BMX: variants seen among roughly 807,000 people sequenced by gnomAD.
BMX encodes BMX non-receptor tyrosine kinase.
BMX carries 31 observed loss-of-function variants against 59.2 expected under a neutral mutation model. That is an observed-to-expected ratio of 0.52 (90% CI 0.39 to 0.71). The LOEUF is 0.71. BMX is among the 30% of genes least tolerant of loss of function. The probability of loss-of-function intolerance (pLI) is 0.00; values close to 1 mark genes in which losing one functional copy is unlikely to be tolerated. For synonymous variants in BMX, 185 were observed against 181.0 expected, an observed-to-expected ratio of 1.02 and a Z score of -0.18; for missense variants, 474 against 491.7, an observed-to-expected ratio of 0.96 and a Z score of 0.34.
Position 15,516,128 on chromosome X carries a change from C to T in BMX, c.342C>T (p.Pro114=), listed in dbSNP as rs1214141742. Residue 114 remains proline, a synonymous_variant, in exon 5 of 19, where the codon CCC becomes CCT. Coordinates refer to ENST00000348343, the MANE Select transcript of BMX (RefSeq NM_203281.3). ...KALQKEIRGN[P]HLLVKYHSGF... ...GCTCCTCAGAGATAAGGGGTAACCC[C>T]CACCTGCTGGTCAAGTACCATAGTG... The T allele has an allele frequency of 8.3e-7, 1 of 1,210,749 alleles. No homozygotes were observed. The highest frequency in any genetic ancestry group is 1.8e-5 in the South Asian group (1 of 56,848).
Position 15,542,281 on chromosome X carries a change from G to A in BMX, c.1611+83G>A. ...GGAGATGGGGTCACTGGTAGGGAAGGCAAGAAGGGCACCATCACTTCTACT... is the reference window on the plus strand; with the variant it reads ...GGAGATGGGGTCACTGGTAGGGAAGACAAGAAGGGCACCATCACTTCTACT... On this transcript the variant is annotated intron_variant, in intron 15 of 18. Coordinates refer to ENST00000348343, the MANE Select transcript of BMX (RefSeq NM_203281.3). The A allele has an allele frequency of 5.7e-6, 5 of 882,722 alleles. No individual in the cohort carries two copies. In the South Asian group the frequency reaches 8.7e-5, roughly 15 times the overall value. The allele number at this position is 882,722 out of a possible 1,213,427, so 72.7% of individuals were successfully genotyped here.
At chrX:15,501,736 G>C (rs991539155) in intron 1 of BMX, among the ~76,000 whole-genome samples, 4 of 111,742 alleles carry the variant, frequency 3.6e-5, no homozygotes, top group Non-Finnish European at 5.6e-5. Context: ...TCACATCCAA[G>C]TATTTATTTG....
intron 1 of BMX, among the ~76,000 whole-genome samples, chrX:15,503,239 G>A (rs1237767962): frequency 9.0e-6 from 1 of 111,562 alleles, no homozygotes; most frequent in Non-Finnish European, 1.9e-5. Context: ...TCCAACTTTT[G>A]AGGTTGTATG....
intron 6 of BMX, among the ~76,000 whole-genome samples, chrX:15,518,688 G>A (rs774941082): frequency 9.0e-6 from 1 of 111,040 alleles, no homozygotes. Flanking sequence ...AGGGATTTTG[G>A]GGGGGCTGAG....
At chrX:15,512,170 T>C (rs1923985340) in intron 4 of BMX, among the ~76,000 whole-genome samples, 1 of 111,537 alleles carries the variant, frequency 9.0e-6, no homozygotes, top group Non-Finnish European at 1.9e-5. Flanking sequence ...TATTCAGTGA[T>C]GTTTAGGCCG....
chrX:15,509,408 C>A lies in BMX; in HGVS notation c.218C>A (p.Pro73His). 8.3e-7 allele frequency: 1 copy of A among 1,203,895 alleles called. No homozygotes were observed. The highest frequency in any genetic ancestry group is 1.1e-6 in the Non-Finnish European group (1 of 890,071). ...AAAGTAAATCTCGAGGAGCAGACGC[C>A]TGTAGAGAGACAGTACCCATTTCAG... ...VEKVNLEEQTPVERQYPFQIV... is the reference protein window; with the variant it reads ...VEKVNLEEQTHVERQYPFQIV... The change falls in exon 3 of 19, where the codon CCT becomes CAT. Residue 73 changes from proline to histidine, a missense_variant. Physicochemically the swap from Pro to His is moderately conservative, Grantham distance 77. Transcript: ENST00000348343.
chrX:15,518,297 A>G (rs1233485987), intron 6 of BMX, among the ~76,000 whole-genome samples: 1 of 111,122 alleles, frequency 9.0e-6, no homozygotes, highest in Non-Finnish European at 1.9e-5. Context: ...TTAAGATGGC[A>G]TCACACATAA....
At chrX:15,530,894 T>C (rs1194221704) in intron 10 of BMX, among the ~76,000 whole-genome samples, 4 of 112,157 alleles carry the variant, frequency 3.6e-5, no homozygotes, top group Non-Finnish European at 7.5e-5. Flanking sequence ...GTCACATTCA[T>C]AGTTTATAAT....
chrX:15,522,296 C>A, intron 6 of BMX, 50 bp from the exon 7 acceptor site: 1 of 1,183,302 alleles, frequency 8.5e-7, no homozygotes, highest in Non-Finnish European at 1.1e-6. Context: ...GTTCCCGGTA[C>A]CTGAATCTGT....
chrX:15,542,892 G>T (rs746386017), intron 15 of BMX, among the ~76,000 whole-genome samples, 179 bp from the exon 16 acceptor site: 7 of 111,863 alleles, frequency 6.3e-5, no homozygotes, highest in Admixed American at 5.7e-4. Flanking sequence ...GTACTCATGG[G>T]AGAACATTTT....
At position 15,537,313 on chromosome X, in the gene BMX, T is replaced by C. The variant is rs773787915; in HGVS notation, c.1394+8T>C. The C allele has an allele frequency of 3.3e-6, 4 of 1,208,292 alleles. No homozygotes were observed. Among genetic ancestry groups the C allele is most frequent in the South Asian group, 1.8e-5 (1 of 56,587 alleles). On this transcript the variant is annotated splice_region_variant and intron_variant, in intron 14 of 18. Coordinates refer to ENST00000348343, the MANE Select transcript of BMX (RefSeq NM_203281.3). ...GGAGGCCCAGACTATGATGTAAGTT[T>C]TTCCCAAGGAATGGCTGTTTAGCCC... is the stretch of plus-strand genomic sequence containing the variant.
intron 18 of BMX, among the ~76,000 whole-genome samples, chrX:15,550,221 A>G (rs750638808): frequency 9.0e-6 from 1 of 111,674 alleles, no homozygotes; most frequent in Non-Finnish European, 1.9e-5. Context: ...CACTATAAAT[A>G]TTAACTTACT....
In BMX at chrX:15,509,413, G is replaced by A. The variant is rs1419463802; in HGVS notation, c.223G>A (p.Glu75Lys). The change falls in exon 3 of 19, where the codon GAG becomes AAG. Residue 75 changes from glutamate to lysine, a missense_variant. By Grantham distance (56) the Glu-to-Lys change is moderately conservative. Transcript: ENST00000348343. ...AAATCTCGAGGAGCAGACGCCTGTAGAGAGACAGTACCCATTTCAGGTAAA... is the reference window on the plus strand; with the variant it reads ...AAATCTCGAGGAGCAGACGCCTGTAAAGAGACAGTACCCATTTCAGGTAAA... The part of the protein sequence containing the change: ...KVNLEEQTPV[E>K]RQYPFQIVYK... 8.3e-7 allele frequency: 1 copy of A among 1,202,636 alleles called. No homozygotes were observed. The highest frequency in any genetic ancestry group is 2.2e-5 in the Admixed American group (1 of 45,558).
chrX:15,525,197 C>A, intron 7 of BMX, 91 bp from the exon 8 acceptor site: 1 of 882,391 alleles, frequency 1.1e-6, no homozygotes, highest in Non-Finnish European at 1.6e-6. Flanking sequence ...TCAAATAAAG[C>A]TAAAACATAT....
In BMX at chrX:15,549,905, G is replaced by A; in HGVS notation, c.1861G>A (p.Val621Met). ...QPYDLYDNSQ[V>M]VLKVSQGHRL... ...CTATGACTTGTATGACAACTCCCAGGTGGTTCTGAAGGTCTCCCAGGGCCA... is the reference window on the plus strand; with the variant it reads ...CTATGACTTGTATGACAACTCCCAGATGGTTCTGAAGGTCTCCCAGGGCCA... The change falls in exon 18 of 19, where the codon GTG becomes ATG. Residue 621 changes from valine to methionine, a missense_variant. Transcript: ENST00000348343. 1.7e-6 allele frequency: 2 copies of A among 1,208,356 alleles called. No individual in the cohort carries two copies. The highest frequency in any genetic ancestry group is 3.5e-5 in the South Asian group (2 of 56,412).
At chrX:15,542,667 C>T (rs1225043988) in intron 15 of BMX, among the ~76,000 whole-genome samples, 2 of 111,651 alleles carry the variant, frequency 1.8e-5, no homozygotes, top group Admixed American at 1.9e-4. Flanking sequence ...GATTTTCTTG[C>T]GCTCAACAGT....
chrX:15,516,633 G>A lies in BMX; in HGVS notation c.445+402G>A, dbSNP rs183755614. Among the ~76,000 whole-genome samples the A allele has an allele frequency of 1.3e-3, 141 of 107,769 alleles. 1 individual carries two copies. The highest frequency in any genetic ancestry group is 4.4e-3 in the African/African-American group (129 of 29,253). 93.6% of individuals were successfully genotyped at this position (107,769 alleles called of 115,157 possible). A position where few individuals can be genotyped will look rare whatever the true frequency, so the allele number is the denominator to read the frequency against. ...TGGTAAGAAAACCAGCTCGCTCTTC[G>A]TATAAATAACGAAAATCACAAACTG... On this transcript the variant is annotated intron_variant, in intron 5 of 18. Transcript: ENST00000348343.
chrX:15,555,903 T>C (rs1926413411), intron 18 of BMX, among the ~76,000 whole-genome samples, 170 bp from the exon 19 acceptor site: 2 of 112,544 alleles, frequency 1.8e-5, no homozygotes, highest in African/African-American at 6.5e-5. Flanking sequence ...AGAGTGATTA[T>C]TATAGTGAGC....
At chrX:15,511,570 A>T in intron 4 of BMX, 52 bp downstream of exon 4, 1 of 1,069,490 alleles carries the variant, frequency 9.4e-7, no homozygotes, top group Non-Finnish European at 1.3e-6. Context: ...AAGCCATAAA[A>T]GAGAGTCGTT....
Sources: gnomAD v4.1 joint callset for allele counts (sites outside exome capture counted in the v4.1 genomes callset) on GRCh38, gnomAD v4.1.1 for gene constraint, MANE v1.5 for transcripts, NCBI Gene and HGNC (gene_info 2026-07-23, HGNC 2026-07-21) for gene names.